The following CTNNA3 variants were observed in gnomAD, a reference collection of about 807,000 sequenced individuals.
CTNNA3 encodes the protein catenin alpha-3.
In CTNNA3, 76 loss-of-function variants were observed where a neutral mutation model predicts 95.7. That is an observed-to-expected ratio of 0.79 (90% CI 0.66 to 0.96). The LOEUF (loss-of-function observed/expected upper bound fraction) is 0.96, where lower values mean the gene tolerates loss of function less well. CTNNA3 is among the 40% of genes least tolerant of loss of function. The probability of loss-of-function intolerance (pLI) is 0.00; values close to 1 mark genes in which losing one functional copy is unlikely to be tolerated. For synonymous variants in CTNNA3, 431 were observed against 374.4 expected (o/e 1.15, Z -1.74); for missense variants, 1,191 against 1,089.8 (o/e 1.09, Z -1.31).
intron 14 of CTNNA3, among the ~76,000 whole-genome samples, chr10:66,094,775 C>A (rs936291978): frequency 4.6e-5 from 7 of 152,218 alleles, no homozygotes; most frequent in African/African-American, 1.7e-4. Context: ...ATTGCAAAAG[C>A]CTTGAATAAA....
At chr10:66,866,751 C>T (rs933422826) in intron 7 of CTNNA3, among the ~76,000 whole-genome samples, 3 of 151,968 alleles carry the variant, frequency 2.0e-5, no homozygotes, top group Non-Finnish European at 4.4e-5. Flanking sequence ...GCAAAATTAT[C>T]CTAACTCAAA....
intron 5 of CTNNA3, among the ~76,000 whole-genome samples, chr10:67,427,860 T>C (rs1261458249): frequency 6.6e-6 from 1 of 151,976 alleles, no homozygotes; most frequent in Non-Finnish European, 1.5e-5. Flanking sequence ...CAGAAAATAA[T>C]GATGCTTACA....
At chr10:67,235,263 A>G (rs1370329789) in intron 5 of CTNNA3, among the ~76,000 whole-genome samples, 2 of 150,660 alleles carry the variant, frequency 1.3e-5, no homozygotes, top group African/African-American at 4.8e-5. Flanking sequence ...ACTTCAAACT[A>G]TACTACAAGG....
chr10:67,509,129 G>T (rs1839522688), intron 5 of CTNNA3, among the ~76,000 whole-genome samples: 1 of 151,842 alleles, frequency 6.6e-6, no homozygotes, highest in African/African-American at 2.4e-5. Flanking sequence ...GCCTGCCTCA[G>T]CCTCCCAAAG....
At chr10:67,115,986 C>CA (rs1313858686) in intron 7 of CTNNA3, among the ~76,000 whole-genome samples, 1 of 151,724 alleles carries the variant, frequency 6.6e-6, no homozygotes, top group African/African-American at 2.4e-5. Context: ...AGGTATTTGA[C>CA]AAAAAAATTT....
chr10:66,745,936 T>G (rs1020529777), intron 9 of CTNNA3, among the ~76,000 whole-genome samples: 4 of 152,070 alleles, frequency 2.6e-5, no homozygotes, highest in Non-Finnish European at 5.9e-5. Context: ...ATAACATAGC[T>G]GGGAAGAAAA....
intron 11 of CTNNA3, among the ~76,000 whole-genome samples, chr10:66,429,447 C>A (rs2077311184): frequency 6.6e-6 from 1 of 151,522 alleles, no homozygotes; most frequent in South Asian, 2.1e-4. Flanking sequence ...GAGACACAAG[C>A]AAAAAAGAGA....
chr10:66,720,737 G>A (rs1848602154), intron 9 of CTNNA3, among the ~76,000 whole-genome samples: 2 of 152,166 alleles, frequency 1.3e-5, no homozygotes, highest in African/African-American at 2.4e-5. Flanking sequence ...GGGAGGCTGA[G>A]GCAGGAGAAT....
intron 12 of CTNNA3, among the ~76,000 whole-genome samples, chr10:66,360,812 C>CTTT (rs1564897249): frequency 0.015 from 769 of 52,276 alleles, 38 homozygotes; most frequent in East Asian, 0.066. Context: ...TTCCTTCCTT[C>CTTT]CTTCCTTTCT....
At chr10:66,647,861 GA>G (rs1212913221) in intron 9 of CTNNA3, among the ~76,000 whole-genome samples, 15 of 152,140 alleles carry the variant, frequency 9.9e-5, no homozygotes, top group African/African-American at 3.6e-4. Flanking sequence ...AAGAAGAAAA[GA>G]GAAGCATATG....
chr10:66,800,799 T>G (rs747497811), intron 7 of CTNNA3, among the ~76,000 whole-genome samples: 2 of 151,334 alleles, frequency 1.3e-5, no homozygotes, highest in Non-Finnish European at 3.0e-5. Flanking sequence ...TTACAAGTAT[T>G]TTTATTTGCT....
intron 13 of CTNNA3, among the ~76,000 whole-genome samples, chr10:66,222,600 GAAAGAAAGAAAGAAAGAAAGAA>G (rs199534475): frequency 0.38 from 46,800 of 121,850 alleles, 8,235 homozygotes; most frequent in East Asian, 0.46. Flanking sequence ...AAGAAAGAAC[GAAAGAAAGAAAGAAAGAAAGAA>G]AAAGAAAGAA....
At chr10:66,335,991 G>A (rs926568885) in intron 12 of CTNNA3, among the ~76,000 whole-genome samples, 2 of 152,112 alleles carry the variant, frequency 1.3e-5, no homozygotes, top group Non-Finnish European at 2.9e-5. Context: ...TGCTGTGCTA[G>A]CAATGAGCGA....
At chr10:66,951,088 TACACACACACACAC>T (rs3056558) in intron 7 of CTNNA3, among the ~76,000 whole-genome samples, 8 of 146,140 alleles carry the variant, frequency 5.5e-5, no homozygotes, top group African/African-American at 1.3e-4. Context: ...TAACATTAAA[TACACACACACACAC>T]ACACACACAC....
chr10:66,238,517 T>A (rs968732751), intron 13 of CTNNA3, among the ~76,000 whole-genome samples: 1 of 151,920 alleles, frequency 6.6e-6, no homozygotes, highest in Admixed American at 6.6e-5. Flanking sequence ...CAATAAAAGA[T>A]TTGCCTTCAT....
intron 12 of CTNNA3, among the ~76,000 whole-genome samples, chr10:66,361,174 G>A (rs1003711050): frequency 2.0e-4 from 29 of 147,768 alleles, no homozygotes; most frequent in African/African-American, 7.2e-4. Context: ...TCACTATGCT[G>A]CCCAGGCTGG....
chr10:66,403,726 TC>T (rs753431565), intron 11 of CTNNA3, among the ~76,000 whole-genome samples: 3 of 152,246 alleles, frequency 2.0e-5, no homozygotes, highest in Admixed American at 6.5e-5. Flanking sequence ...TACTGTACAA[TC>T]CGCTTCATTA....
At chr10:66,584,680 A>T (rs1400889905) in intron 10 of CTNNA3, among the ~76,000 whole-genome samples, 1 of 151,988 alleles carries the variant, frequency 6.6e-6, no homozygotes, top group Admixed American at 6.6e-5. Context: ...CATTTAGACC[A>T]GTTACATTAA....
chr10:67,746,203 A>G (rs1045551518), intron 1 of CTNNA3, among the ~76,000 whole-genome samples: 11 of 152,212 alleles, frequency 7.2e-5, no homozygotes, highest in Non-Finnish European at 4.4e-5. Context: ...CAAAATCAGC[A>G]TGGTCCTAGC....
Sources: gnomAD v4.1 joint callset for allele counts (sites outside exome capture counted in the v4.1 genomes callset) on GRCh38, gnomAD v4.1.1 for gene constraint, MANE v1.5 for transcripts, NCBI Gene and HGNC (gene_info 2026-07-23, HGNC 2026-07-21) for gene names.